Variants in ATF2 observed in about 807,000 individuals in gnomAD.
ATF2 encodes the protein activating transcription factor 2.
ATF2 carries 24 observed loss-of-function variants against 60.6 expected under a neutral mutation model. The ratio of observed to expected loss-of-function variants is 0.40; its 90% CI spans 0.29 to 0.56. The LOEUF is 0.56. Among genes scored for constraint, ATF2 ranks in the 20% least tolerant of loss-of-function variants. ATF2 has a pLI of 0.54. For missense variants in ATF2, 433 were observed against 607.7 expected (o/e 0.71, Z 3.02); for synonymous variants, 206 against 215.4 (o/e 0.96, Z 0.38).
intron 11 of ATF2, among the ~76,000 whole-genome samples, chr2:175,094,890 C>A (rs2541063): frequency 0.021 from 3,130 of 152,090 alleles, 77 homozygotes; most frequent in African/African-American, 0.057. Flanking sequence ...CTGCAGTGAG[C>A]CATGATCGCA....
At chr2:175,138,344 GA>G (rs1315054403) in intron 2 of ATF2, among the ~76,000 whole-genome samples, 1 of 152,184 alleles carries the variant, frequency 6.6e-6, no homozygotes, top group Admixed American at 6.5e-5. Context: ...GAGTTTCCAA[GA>G]TAGTGATGGG....
rs1054695947 is a variant in ATF2 at position 175,142,272 on chromosome 2, G to T, written c.-43-5786C>A. The stretch of plus-strand genomic sequence containing the variant: ...TGCGTCTCGGCTCACTGCAACCTCC[G>T]CCTGCCAGGTTCAAGCCTCCAGAGT... On this transcript the variant is annotated intron_variant, in intron 2 of 13. Coordinates refer to ENST00000264110, the MANE Select transcript of ATF2 (RefSeq NM_001880.4). 3.4e-5 allele frequency among the ~76,000 whole-genome samples: 5 copies of T among 146,880 alleles called. No homozygotes were observed. In the Admixed American group the frequency reaches 3.5e-4, roughly 10 times the overall value.
intron 11 of ATF2, among the ~76,000 whole-genome samples, chr2:175,095,135 TG>T (rs1346027885): frequency 6.6e-6 from 1 of 151,912 alleles, no homozygotes; most frequent in Non-Finnish European, 1.5e-5. Context: ...TCTCGCTCTG[TG>T]GCCCAGGCTG....
intron 11 of ATF2, among the ~76,000 whole-genome samples, chr2:175,095,625 A>G (rs1333165767): frequency 1.3e-5 from 2 of 152,204 alleles, no homozygotes; most frequent in African/African-American, 4.8e-5. Context: ...CCCCATGTCT[A>G]TTAATTCATT....
intron 2 of ATF2, among the ~76,000 whole-genome samples, chr2:175,142,835 A>AGAGG (rs1553514079): frequency 7.1e-6 from 1 of 140,298 alleles, no homozygotes; most frequent in African/African-American, 2.6e-5. Context: ...CAAGAGAGAG[A>AGAGG]GTGTGTGTGT....
At chr2:175,096,038 T>G (rs959101973) in intron 11 of ATF2, among the ~76,000 whole-genome samples, 3 of 152,206 alleles carry the variant, frequency 2.0e-5, no homozygotes, top group Non-Finnish European at 4.4e-5. Context: ...CATTATATAT[T>G]AAGTTTTTAA....
At chr2:175,123,850 A>G (rs766887865) in intron 4 of ATF2, among the ~76,000 whole-genome samples, 47 of 152,118 alleles carry the variant, frequency 3.1e-4, no homozygotes, top group Non-Finnish European at 4.0e-4. Context: ...CAAAATACAA[A>G]AACACTGCAA....
At chr2:175,106,022 T>C (rs1695637382) in intron 10 of ATF2, among the ~76,000 whole-genome samples, 1 of 152,064 alleles carries the variant, frequency 6.6e-6, no homozygotes, top group South Asian at 2.1e-4. Context: ...AAGATTTAAA[T>C]AGATAATCTA....
At chr2:175,152,017 T>C (rs1026477947) in intron 1 of ATF2, among the ~76,000 whole-genome samples, 2 of 152,148 alleles carry the variant, frequency 1.3e-5, no homozygotes, top group African/African-American at 2.4e-5. Flanking sequence ...CATATGACCA[T>C]AGCTATCGGG....
intron 2 of ATF2, among the ~76,000 whole-genome samples, chr2:175,142,710 AGAGAGAGAGAGTGTGT>A (rs900392245): frequency 7.7e-6 from 1 of 129,566 alleles, no homozygotes; most frequent in African/African-American, 2.7e-5. Flanking sequence ...AGAGAGAGAG[AGAGAGAGAGAGTGTGT>A]GTGTGTGTGT....
intron 2 of ATF2, among the ~76,000 whole-genome samples, chr2:175,143,323 T>G (rs999076126): frequency 2.6e-5 from 4 of 152,088 alleles, no homozygotes; most frequent in Non-Finnish European, 5.9e-5. Context: ...GTATTACAAC[T>G]TCCTCTAAAA....
chr2:175,112,383 A>G (rs1189030168), intron 9 of ATF2, among the ~76,000 whole-genome samples: 1 of 152,044 alleles, frequency 6.6e-6, no homozygotes, highest in Non-Finnish European at 1.5e-5. Context: ...TGCATTTTGA[A>G]CAAAGTTCTT....
intron 1 of ATF2, among the ~76,000 whole-genome samples, chr2:175,166,081 C>T (rs1454055185): frequency 6.6e-6 from 1 of 152,068 alleles, no homozygotes; most frequent in African/African-American, 2.4e-5. Flanking sequence ...AATAAACATT[C>T]GGATAAGATA....
chr2:175,092,929 G>T, intron 12 of ATF2, 132 bp downstream of exon 12: 1 of 916,372 alleles, frequency 1.1e-6, no homozygotes, highest in Non-Finnish European at 1.6e-6. Context: ...ACAAAACTAT[G>T]ATTTACTATA....
At chr2:175,113,573 T>C (rs1696351410) in intron 9 of ATF2, among the ~76,000 whole-genome samples, 1 of 152,172 alleles carries the variant, frequency 6.6e-6, no homozygotes, top group Non-Finnish European at 1.5e-5. Context: ...CATTTTAACA[T>C]GCTGGGCTAT....
At chr2:175,107,513 C>T (rs918633138) in intron 10 of ATF2, among the ~76,000 whole-genome samples, 2 of 150,124 alleles carry the variant, frequency 1.3e-5, no homozygotes, top group African/African-American at 2.5e-5. Context: ...CATAGAAGTA[C>T]GTTTTGTGGC....
intron 13 of ATF2, among the ~76,000 whole-genome samples, chr2:175,076,745 CTTTTT>C (rs796927121): frequency 7.1e-6 from 1 of 139,882 alleles, no homozygotes; most frequent in African/African-American, 2.6e-5. Context: ...CACCACTATT[CTTTTT>C]TTTTTTTAAG....
intron 2 of ATF2, among the ~76,000 whole-genome samples, chr2:175,142,222 T>C (rs1357148918): frequency 6.6e-6 from 1 of 150,786 alleles, no homozygotes. Flanking sequence ...CTCTCGCTCT[T>C]GTCGCCCAGG....
rs1405991289 is a variant in ATF2 at position 175,117,859 on chromosome 2, AG to A, written c.447+130del. The A allele has an allele frequency of 4.0e-6, 4 of 992,804 alleles. No homozygotes were observed. The African/African-American group carries it at 6.7e-5, about 17-fold the overall frequency. The allele number at this position is 992,804 out of a possible 1,614,324, so 61.5% of individuals were successfully genotyped here. ...TACCCTGAAATATCTGAGTATTGAC[AG>A]GCTTTCACATATAAAACTATTGCAA... On this transcript the variant is annotated intron_variant, in intron 7 of 13. Coordinates refer to ENST00000264110, the MANE Select transcript of ATF2 (RefSeq NM_001880.4).
Sources: allele counts gnomAD v4.1 joint callset (sites outside exome capture counted in the v4.1 genomes callset), GRCh38; gene constraint gnomAD v4.1.1; transcripts MANE v1.5; gene names NCBI Gene and HGNC (gene_info 2026-07-23, HGNC 2026-07-21).